The following ESYT2 variants were observed in gnomAD, a reference collection of about 807,000 sequenced individuals.
ESYT2 encodes extended synaptotagmin 2.
ESYT2 carries 54 observed loss-of-function variants against 107.2 expected under a neutral mutation model. The observed-to-expected ratio is 0.50, with a 90% CI of 0.40 to 0.63. The LOEUF is 0.63. Among genes scored for constraint, ESYT2 ranks in the 30% least tolerant of loss-of-function variants. The pLI, the probability that ESYT2 is intolerant of heterozygous loss-of-function variation, is 0.00. For synonymous variants in ESYT2, 491 were observed against 434.1 expected (o/e 1.13, Z -1.63); for missense variants, 1,020 against 1,094.5 (o/e 0.93, Z 0.96).
At chr7:158,795,055 G>A (rs536426015) in intron 3 of ESYT2, among the ~76,000 whole-genome samples, 13 of 152,278 alleles carry the variant, frequency 8.5e-5, no homozygotes, top group Admixed American at 2.0e-4. Flanking sequence ...CCCAAATGAC[G>A]TGGAGATGAG....
intron 17 of ESYT2, among the ~76,000 whole-genome samples, chr7:158,742,989 T>C (rs762568744): frequency 3.3e-5 from 5 of 152,240 alleles, no homozygotes; most frequent in Admixed American, 6.5e-5. Context: ...TGGCTCTTTA[T>C]TTTAATTTGC....
intron 9 of ESYT2, among the ~76,000 whole-genome samples, chr7:158,764,288 A>G (rs1838075503): frequency 6.6e-6 from 1 of 152,176 alleles, no homozygotes; most frequent in African/African-American, 2.4e-5. Context: ...CTATTCATTG[A>G]CATGTGAAGA....
intron 4 of ESYT2, among the ~76,000 whole-genome samples, chr7:158,791,723 G>A (rs1401463351): frequency 6.6e-6 from 1 of 152,178 alleles, no homozygotes; most frequent in Non-Finnish European, 1.5e-5. Context: ...TATCATCCCT[G>A]GAGAAATGTC....
At chr7:158,753,619 T>TG (rs1837655533) in intron 13 of ESYT2, among the ~76,000 whole-genome samples, 1 of 145,798 alleles carries the variant, frequency 6.9e-6, no homozygotes, top group South Asian at 2.1e-4. Flanking sequence ...TTTTTTTTTT[T>TG]GCTAAGCAAA....
chr7:158,798,295 G>A (rs1049887984), intron 2 of ESYT2, among the ~76,000 whole-genome samples: 2 of 152,052 alleles, frequency 1.3e-5, no homozygotes, highest in Admixed American at 6.5e-5. Context: ...TAGTTATTCT[G>A]GTTAAATATG....
intron 20 of ESYT2, among the ~76,000 whole-genome samples, chr7:158,736,258 A>G (rs1272526400): frequency 6.6e-6 from 1 of 152,214 alleles, no homozygotes; most frequent in East Asian, 1.9e-4. Flanking sequence ...CCAGTTTCTG[A>G]TGGGTGTTTT....
chr7:158,748,209 C>T lies in ESYT2; in HGVS notation c.1629G>A (p.Gln543=). 1.2e-6 allele frequency: 2 copies of T among 1,614,064 alleles called. No individual in the cohort carries two copies. The highest frequency in any genetic ancestry group is 1.7e-6 in the Non-Finnish European group (2 of 1,179,992). The part of the protein sequence containing the change: ...FTFFIHNPKR[Q]DLEVEVRDEQ... ...AATAAAATACCTCAACTTCAAGGTC[C>T]TGGCGCTTGGGATTGTGAATGAAGA... The change falls in exon 16 of 23, where the codon CAG becomes CAA. Residue 543 remains glutamine (Q), a synonymous_variant. Transcript: ENST00000275418.
At position 158,735,457 on chromosome 7, in the gene ESYT2, A is replaced by G. The variant is rs1432781758; in HGVS notation, c.2505+46T>C. The G allele has an allele frequency of 1.4e-5, 21 of 1,544,644 alleles. 1 individual carries two copies. Among genetic ancestry groups the G allele is most frequent in the Middle Eastern group, 3.4e-4 (2 of 5,934 alleles). On this transcript the variant is annotated intron_variant, in intron 21 of 22. Coordinates refer to ENST00000275418, the MANE Select transcript of ESYT2 (RefSeq NM_001367773.1). ...ACACTGCACTGCAGGTAAATGTTCA[A>G]TTTTACAAACTGCAGGAACTGGTTG...
chr7:158,803,167 C>G (rs1839696435), intron 1 of ESYT2, among the ~76,000 whole-genome samples: 1 of 152,238 alleles, frequency 6.6e-6, no homozygotes, highest in Non-Finnish European at 1.5e-5. Flanking sequence ...CGCGCCGTTC[C>G]CCGGAGCACA....
At chr7:158,807,993 G>A (rs960691284) in intron 1 of ESYT2, among the ~76,000 whole-genome samples, 1 of 152,186 alleles carries the variant, frequency 6.6e-6, no homozygotes, top group African/African-American at 2.4e-5. Flanking sequence ...TCTCTCCAGA[G>A]AGCAGGCCCC....
chr7:158,772,994 T>TA (rs376836008), intron 7 of ESYT2, among the ~76,000 whole-genome samples: 17 of 148,226 alleles, frequency 1.1e-4, no homozygotes, highest in South Asian at 4.3e-4. Context: ...CTGAGAAGAT[T>TA]AAAAAAAAAA....
Position 158,733,013 on chromosome 7 carries a change from A to T in ESYT2, c.*1194T>A, listed in dbSNP as rs888842523. ...ACAGTCTAAACAGGATAAAAATTGC[A>T]TAACAATATCCCAATATTAAGGTCA... On this transcript the variant is annotated 3_prime_UTR_variant, in exon 23 of 23. Coordinates refer to ENST00000275418, the MANE Select transcript of ESYT2 (RefSeq NM_001367773.1). 2 of 152,244 alleles carry T rather than the reference A, an allele frequency of 1.3e-5. No homozygotes were observed. Among genetic ancestry groups the T allele is most frequent in the Non-Finnish European group, 2.9e-5 (2 of 68,054 alleles). The allele number at this position is 152,244 out of a possible 1,614,324, so 9.4% of individuals were successfully genotyped here.
chr7:158,819,627 G>C (rs1429777630), intron 1 of ESYT2, among the ~76,000 whole-genome samples: 2 of 152,154 alleles, frequency 1.3e-5, no homozygotes, highest in African/African-American at 4.8e-5. Flanking sequence ...CCAATGTAAT[G>C]TTATCACTAG....
intron 1 of ESYT2, among the ~76,000 whole-genome samples, chr7:158,819,055 A>G (rs1472074465): frequency 2.0e-5 from 3 of 152,274 alleles, no homozygotes; most frequent in African/African-American, 7.2e-5. Flanking sequence ...GCAGTTAAAA[A>G]TACTTGTAAC....
chr7:158,765,462 G>A (rs73729987), intron 8 of ESYT2, among the ~76,000 whole-genome samples: 16,468 of 152,250 alleles, frequency 0.11, 1,351 homozygotes, highest in East Asian at 0.43. Flanking sequence ...GGCCAGGCGC[G>A]GTGGCTCATG....
intron 18 of ESYT2, among the ~76,000 whole-genome samples, chr7:158,741,159 C>G (rs900742595): frequency 7.2e-5 from 11 of 152,130 alleles, no homozygotes; most frequent in African/African-American, 2.7e-4. Flanking sequence ...GAGGCCAGGG[C>G]TTCTCCAGTG....
chr7:158,797,668 C>G (rs1235263995), intron 3 of ESYT2, among the ~76,000 whole-genome samples: 1 of 152,024 alleles, frequency 6.6e-6, no homozygotes, highest in Non-Finnish European at 1.5e-5. Flanking sequence ...ATCCTGGTAA[C>G]ATGGTGAAAC....
chr7:158,749,855 A>T (rs1837526574), intron 14 of ESYT2, 132 bp from the exon 15 acceptor site: 2 of 798,312 alleles, frequency 2.5e-6, no homozygotes, highest in Non-Finnish European at 1.9e-6. Context: ...AATATCTGGG[A>T]ACAATTTAAT....
chr7:158,779,049 G>A (rs773105126), intron 6 of ESYT2, among the ~76,000 whole-genome samples: 19 of 152,020 alleles, frequency 1.2e-4, no homozygotes, highest in Non-Finnish European at 2.8e-4. Flanking sequence ...GCCCAAATTT[G>A]GCAAGTAAAA....
Sources: allele counts gnomAD v4.1 joint callset (sites outside exome capture counted in the v4.1 genomes callset), GRCh38; gene constraint gnomAD v4.1.1; transcripts MANE v1.5; gene names NCBI Gene and HGNC (gene_info 2026-07-23, HGNC 2026-07-21).